The following TCF7L2 variants were observed in gnomAD, a reference collection of about 807,000 sequenced individuals.
TCF7L2 encodes transcription factor 7 like 2.
A neutral mutation model predicts 77.9 loss-of-function variants in TCF7L2; 23 were observed. The observed-to-expected ratio is 0.30, with a 90% CI of 0.21 to 0.42. The LOEUF is 0.42. Among genes scored for constraint, TCF7L2 ranks in the 10% least tolerant of loss-of-function variants. TCF7L2 has a pLI of 1.00. For missense variants in TCF7L2, 654 were observed against 793.1 expected (o/e 0.82, Z 2.11); for synonymous variants, 413 against 340.2 (o/e 1.21, Z -2.36).
Position 113,116,210 on chromosome 10 carries a change from C to G in TCF7L2, c.553-24974C>G, listed in dbSNP as rs576469074. On this transcript the variant is annotated intron_variant, in intron 5 of 13. Transcript: ENST00000627217. ...TCTCCCTCTTTTCCCTTCCCCTTCC[C>G]CTTTTGTAGGTTATAAATATGTTCT... is the stretch of plus-strand genomic sequence containing the variant. Among the ~76,000 whole-genome samples the G allele has an allele frequency of 5.9e-5, 9 of 152,194 alleles. No individual in the cohort carries two copies. The South Asian group carries it at 1.7e-3, about 28-fold the overall frequency.
At chr10:112,964,535 T>A (rs1270274972) in intron 3 of TCF7L2, 21 bp from the exon 4 acceptor site, 1 of 1,611,092 alleles carries the variant, frequency 6.2e-7, no homozygotes, top group Non-Finnish European at 8.5e-7. Flanking sequence ...CAGAACGCTT[T>A]GATTTGGTTT....
intron 5 of TCF7L2, among the ~76,000 whole-genome samples, chr10:113,078,335 A>G (rs2058948417): frequency 6.6e-6 from 1 of 152,184 alleles, no homozygotes; most frequent in Non-Finnish European, 1.5e-5. Context: ...TTTAGAATTC[A>G]TGGTCCCCCT....
intron 5 of TCF7L2, among the ~76,000 whole-genome samples, chr10:113,051,936 A>G (rs2054541444): frequency 6.6e-6 from 1 of 152,204 alleles, no homozygotes; most frequent in African/African-American, 2.4e-5. Context: ...ATAATGTAAT[A>G]AGATAAATAA....
chr10:113,042,926 C>A (rs1053124755), intron 5 of TCF7L2, among the ~76,000 whole-genome samples: 2 of 152,108 alleles, frequency 1.3e-5, no homozygotes, highest in African/African-American at 4.8e-5. Context: ...TGTTTAGAGT[C>A]GCCGATGAAG....
rs1260467445 is a variant in TCF7L2, at chr10:113,112,280, G to A, written c.553-28904G>A. On this transcript the variant is annotated intron_variant, in intron 5 of 13. Transcript: ENST00000627217. ...TGTTTACAAGGAGCTTAGGAAAGAG[G>A]TAGAGGCTGTGTTGTCTGTAGAGGC... is the stretch of plus-strand genomic sequence containing the variant. Among the ~76,000 whole-genome samples the A allele has an allele frequency of 2.0e-5, 3 of 152,234 alleles. No homozygotes were observed. The East Asian group carries it at 5.8e-4, about 29-fold the overall frequency.
intron 5 of TCF7L2, among the ~76,000 whole-genome samples, chr10:113,106,203 T>C (rs931016560): frequency 4.6e-5 from 7 of 152,142 alleles, no homozygotes; most frequent in Non-Finnish European, 1.0e-4. Flanking sequence ...GGTGGGTTTG[T>C]AGAATCTGTT....
At chr10:112,987,450 A>G (rs1021455982) in intron 4 of TCF7L2, 1 of 151,480 alleles carries the variant, frequency 6.6e-6, no homozygotes, top group Non-Finnish European at 1.5e-5. Flanking sequence ...AATGCATTCA[A>G]AATAAACAAA....
At chr10:113,131,839 A>C (rs530486499) in intron 5 of TCF7L2, among the ~76,000 whole-genome samples, 2 of 152,302 alleles carry the variant, frequency 1.3e-5, no homozygotes, top group Admixed American at 1.3e-4. Flanking sequence ...CATGCCCTCC[A>C]GATTACGTAG....
intron 4 of TCF7L2, among the ~76,000 whole-genome samples, chr10:112,982,007 C>G (rs542724846): frequency 1.3e-5 from 2 of 152,332 alleles, no homozygotes; most frequent in Admixed American, 6.5e-5. Context: ...ATTCTTATCC[C>G]TCTGTCTTTG....
chr10:113,141,253 A>T lies in TCF7L2; in HGVS notation c.622A>T (p.Asn208Tyr), dbSNP rs754612978. ...CCTCACGCCTCTTATCACGTACAGC[A>T]ATGAACACTTCACGCCGGGAAACCC... The change falls in exon 6 of 14, where the codon AAT (asparagine) becomes TAT (tyrosine). Residue 208 changes from asparagine to tyrosine, a missense_variant. Asn to Tyr is a moderately radical substitution (Grantham distance 143). Coordinates refer to ENST00000627217, the MANE Select transcript of TCF7L2 (RefSeq NM_001146274.2). The T allele has an allele frequency of 6.2e-7, 1 of 1,614,142 alleles. No individual in the cohort carries two copies. The highest frequency in any genetic ancestry group is 8.5e-7 in the Non-Finnish European group (1 of 1,180,028).
At chr10:113,028,840 A>T (rs2049690049) in intron 4 of TCF7L2, among the ~76,000 whole-genome samples, 1 of 152,188 alleles carries the variant, frequency 6.6e-6, no homozygotes, top group Admixed American at 6.5e-5. Context: ...CAATCTGATG[A>T]TTCATGGATT....
At chr10:113,007,119 G>T (rs1276242218) in intron 4 of TCF7L2, among the ~76,000 whole-genome samples, 1 of 152,250 alleles carries the variant, frequency 6.6e-6, no homozygotes, top group Admixed American at 6.5e-5. Flanking sequence ...CCTAGGCTGT[G>T]AGCCCAAGTT....
At chr10:113,160,598 G>T (rs759609853) in intron 12 of TCF7L2, 1 of 1,574,638 alleles carries the variant, frequency 6.4e-7, no homozygotes, top group South Asian at 1.2e-5. Flanking sequence ...TGTATTTTTT[G>T]TGTTTACCTT....
intron 4 of TCF7L2, among the ~76,000 whole-genome samples, chr10:112,968,342 A>G (rs898072619): frequency 3.9e-5 from 6 of 152,160 alleles, no homozygotes; most frequent in African/African-American, 1.4e-4. Context: ...AACTCATCCC[A>G]AAGACGGCAA....
At chr10:113,051,238 C>CAG (rs2054407949) in intron 5 of TCF7L2, among the ~76,000 whole-genome samples, 1 of 143,058 alleles carries the variant, frequency 7.0e-6, no homozygotes, top group African/African-American at 2.5e-5. Flanking sequence ...CACACACACA[C>CAG]ACACAGACAC....
chr10:112,965,660 TGTG>T, intron 4 of TCF7L2, among the ~76,000 whole-genome samples: 2 of 151,038 alleles, frequency 1.3e-5, no homozygotes, highest in African/African-American at 4.8e-5. Context: ...TGTGTGTGTG[TGTG>T]TGTGTGTGTG....
chr10:113,107,399 CAG>C (rs1297438843), intron 5 of TCF7L2, among the ~76,000 whole-genome samples: 1 of 152,072 alleles, frequency 6.6e-6, no homozygotes, highest in Non-Finnish European at 1.5e-5. Flanking sequence ...CCAGTACAGT[CAG>C]GGGCTGTTGA....
At chr10:113,111,091 A>G (rs1283545097) in intron 5 of TCF7L2, among the ~76,000 whole-genome samples, 5 of 150,734 alleles carry the variant, frequency 3.3e-5, no homozygotes, top group African/African-American at 7.4e-5. Context: ...CTTCTCTAGC[A>G]TATAAATCAA....
chr10:113,115,734 G>T (rs890167724), intron 5 of TCF7L2, among the ~76,000 whole-genome samples: 5 of 152,216 alleles, frequency 3.3e-5, no homozygotes, highest in Admixed American at 3.3e-4. Context: ...TAATGGAGCT[G>T]TGTGCGGCCT....
Sources: gnomAD v4.1 joint callset for allele counts (sites outside exome capture counted in the v4.1 genomes callset) on GRCh38, gnomAD v4.1.1 for gene constraint, MANE v1.5 for transcripts, NCBI Gene and HGNC (gene_info 2026-07-23, HGNC 2026-07-21) for gene names.